The following RBFOX1 variants were observed in gnomAD, a reference collection of about 807,000 sequenced individuals.
RBFOX1 encodes the protein RNA binding protein fox-1 homolog 1.
In RBFOX1, 8 loss-of-function variants were observed where a neutral mutation model predicts 57.7. That is an observed-to-expected ratio of 0.14 (90% CI 0.08 to 0.25). The LOEUF (loss-of-function observed/expected upper bound fraction) is 0.25. Ranked by LOEUF, RBFOX1 falls within the 10% of genes least tolerant of loss-of-function variation. RBFOX1 has a pLI of 1.00. For missense variants in RBFOX1, 611 were observed against 548.5 expected, an observed-to-expected ratio of 1.11 and a Z score of -1.14; for synonymous variants, 326 against 222.4, an observed-to-expected ratio of 1.47 and a Z score of -4.15.
At chr16:7,199,320 T>C (rs1222120109) in intron 4 of RBFOX1, among the ~76,000 whole-genome samples, 1 of 123,434 alleles carries the variant, frequency 8.1e-6, no homozygotes, top group Non-Finnish European at 1.9e-5. Flanking sequence ...CACTGAGTGT[T>C]TAAAGGGTTT....
intron 4 of RBFOX1, among the ~76,000 whole-genome samples, chr16:7,450,838 A>G (rs1359120538): frequency 1.3e-5 from 2 of 152,120 alleles, no homozygotes; most frequent in East Asian, 1.9e-4. Flanking sequence ...GGTGGGGTGG[A>G]TGGCATGCGA....
rs148331652 is a variant in RBFOX1, at chr16:5,981,071, A to C, written c.351+113736A>C. Among the ~76,000 whole-genome samples, 11 of 152,342 alleles carry C rather than the reference A, an allele frequency of 7.2e-5. No homozygotes were observed. In the East Asian group the frequency reaches 1.9e-3, roughly 27 times the overall value. ...CTACGTTCCTCTTGACAGGATGCTC[A>C]GTGGGTCCTACACCTTTGATATCAG... On this transcript the variant is annotated intron_variant, in intron 4 of 19. Transcript: ENST00000641259.
rs1168067500 is a variant in RBFOX1, at chr16:5,909,089, C to CTTTTTTTTTTT, written c.351+41754_351+41755insTTTTTTTTTTT. On this transcript the variant is annotated intron_variant, in intron 4 of 19. Transcript: ENST00000641259. ...TATCGGCTCCAACAGACTAAGCCCC[C>CTTTTTTTTTTT]CTTTTTTTTTTTTTTTTTTTTGAGA... Among the ~76,000 whole-genome samples the CTTTTTTTTTTT allele has an allele frequency of 6.9e-4, 55 of 79,436 alleles. 2 individuals carry two copies. The highest frequency in any genetic ancestry group is 1.9e-3 in the African/African-American group (52 of 27,488). The allele number at this position is 79,436 out of a possible 152,430, so 52.1% of individuals were successfully genotyped here.
intron 3 of RBFOX1, among the ~76,000 whole-genome samples, chr16:5,711,589 A>G (rs1291366281): frequency 6.6e-6 from 1 of 152,210 alleles, no homozygotes; most frequent in African/African-American, 2.4e-5. Flanking sequence ...CCGTGGTCAT[A>G]GGGAGCCTGG....
intron 4 of RBFOX1, among the ~76,000 whole-genome samples, chr16:7,094,746 G>GTGTGTGTA (rs2061407410): frequency 9.2e-6 from 1 of 109,128 alleles, no homozygotes; most frequent in Admixed American, 8.5e-5. Context: ...CTGTACAGCT[G>GTGTGTGTA]TGTGTGTGTG....
chr16:6,496,701 T>A (rs2095780296), intron 2 of RBFOX1, among the ~76,000 whole-genome samples: 1 of 152,260 alleles, frequency 6.6e-6, no homozygotes, highest in Non-Finnish European at 1.5e-5. Context: ...GTCTCATGCC[T>A]GTAATCCCAG....
Position 6,031,204 on chromosome 16 carries a change from A to G in RBFOX1, c.-127+11212A>G, listed in dbSNP as rs912902827. ...AAGGGCCAAGCTGTGACCAGTGGGGAGAAGAGAAGAGAGGAGACCATGGTG... is the reference window on the plus strand; with the variant it reads ...AAGGGCCAAGCTGTGACCAGTGGGGGGAAGAGAAGAGAGGAGACCATGGTG... On this transcript the variant is annotated intron_variant, in intron 1 of 15. Coordinates refer to ENST00000550418, the MANE Select transcript of RBFOX1 (RefSeq NM_018723.4). Among the ~76,000 whole-genome samples, 56 of 152,102 alleles carry G rather than the reference A, an allele frequency of 3.7e-4. 2 individuals carry two copies. Among genetic ancestry groups the G allele is most frequent in the Non-Finnish European group, 2.9e-5 (2 of 68,010 alleles).
intron 3 of RBFOX1, among the ~76,000 whole-genome samples, chr16:6,675,190 C>T (rs1280103263): frequency 6.6e-6 from 1 of 152,178 alleles, no homozygotes; most frequent in Non-Finnish European, 1.5e-5. Context: ...AGGCATAAGC[C>T]ACTGCGCCCG....
intron 2 of RBFOX1, among the ~76,000 whole-genome samples, chr16:6,654,347 A>T (rs1193483725): frequency 6.6e-6 from 1 of 152,184 alleles, no homozygotes; most frequent in Non-Finnish European, 1.5e-5. Context: ...GTGACCTCTG[A>T]TCCATAGCCT....
intron 4 of RBFOX1, among the ~76,000 whole-genome samples, chr16:5,939,306 G>A (rs8045007): frequency 0.29 from 44,367 of 152,128 alleles, 6,637 homozygotes; most frequent in Admixed American, 0.36. Flanking sequence ...TTAAAACAAC[G>A]GATAGTTATT....
At chr16:7,510,226 G>A (rs2074650552) in intron 4 of RBFOX1, 1 of 985,798 alleles carries the variant, frequency 1.0e-6, no homozygotes, top group South Asian at 4.7e-5. Context: ...TCGTAATTGA[G>A]GCGTGCTTGG....
chr16:6,934,795 G>C (rs993603925), intron 3 of RBFOX1, among the ~76,000 whole-genome samples: 18 of 152,080 alleles, frequency 1.2e-4, no homozygotes, highest in African/African-American at 3.6e-4. Context: ...CACTTGAATG[G>C]TCAATTTAAG....
chr16:6,240,109 T>C (rs1398247160), intron 1 of RBFOX1, among the ~76,000 whole-genome samples: 1 of 152,188 alleles, frequency 6.6e-6, no homozygotes, highest in Non-Finnish European at 1.5e-5. Context: ...CATTGCCATG[T>C]AAGATGCCAT....
At chr16:7,165,410 G>GATA (rs1416794371) in intron 4 of RBFOX1, among the ~76,000 whole-genome samples, 2 of 25,086 alleles carry the variant, frequency 8.0e-5, no homozygotes, top group Admixed American at 4.1e-4. Flanking sequence ...TAATAATAAT[G>GATA]ATAATAATCA....
intron 4 of RBFOX1, among the ~76,000 whole-genome samples, chr16:7,371,021 G>C (rs1004287349): frequency 4.6e-5 from 7 of 152,150 alleles, no homozygotes; most frequent in Non-Finnish European, 7.3e-5. Context: ...GGATGGATGT[G>C]TCTGTATTTT....
chr16:7,208,234 A>G (rs2090396825), intron 4 of RBFOX1, among the ~76,000 whole-genome samples: 1 of 152,202 alleles, frequency 6.6e-6, no homozygotes, highest in Non-Finnish European at 1.5e-5. Context: ...TTGTCCCTCC[A>G]CCAATTCATA....
intron 3 of RBFOX1, among the ~76,000 whole-genome samples, chr16:5,643,768 G>A (rs147650943): frequency 1.3e-5 from 2 of 152,138 alleles, no homozygotes; most frequent in East Asian, 3.9e-4. Context: ...ACTGATTCTT[G>A]TGGAAGAAAC....
chr16:5,491,963 T>C (rs1470709866), intron 2 of RBFOX1, among the ~76,000 whole-genome samples: 2 of 152,216 alleles, frequency 1.3e-5, no homozygotes, highest in African/African-American at 4.8e-5. Flanking sequence ...CTGGTATTTT[T>C]AAAGCCTCTG....
At chr16:5,538,451 G>GA (rs1321891050) in intron 2 of RBFOX1, among the ~76,000 whole-genome samples, 5 of 152,050 alleles carry the variant, frequency 3.3e-5, no homozygotes, top group South Asian at 2.1e-4. Flanking sequence ...GCTTTTAGAC[G>GA]AAAAATGAGG....
Sources: allele counts gnomAD v4.1 joint callset (sites outside exome capture counted in the v4.1 genomes callset), GRCh38; gene constraint gnomAD v4.1.1; transcripts MANE v1.5; gene names NCBI Gene and HGNC (gene_info 2026-07-23, HGNC 2026-07-21).